The following SLC3A1 variants were observed in gnomAD, a reference collection of about 807,000 sequenced individuals.
SLC3A1 encodes solute carrier family 3 member 1.
A neutral mutation model predicts 60.3 loss-of-function variants in SLC3A1; 78 were observed. That is an observed-to-expected ratio of 1.29 (90% CI 1.08 to 1.56). SLC3A1 has a LOEUF of 1.56. Ranked by LOEUF, SLC3A1 falls within the 40% of genes most tolerant of loss-of-function variation. The pLI is 0.00. For missense variants in SLC3A1, 1,172 were observed against 858.9 expected, an observed-to-expected ratio of 1.36 and a Z score of -4.56; for synonymous variants, 392 against 307.9, an observed-to-expected ratio of 1.27 and a Z score of -2.86.
At chr2:44,310,538 C>T (rs1314413602) in intron 7 of SLC3A1, among the ~76,000 whole-genome samples, 1 of 152,068 alleles carries the variant, frequency 6.6e-6, no homozygotes, top group Non-Finnish European at 1.5e-5. Context: ...TGTGATGTAC[C>T]AATTTTCTTT....
chr2:44,278,316 C>T (rs1330472304), intron 1 of SLC3A1, among the ~76,000 whole-genome samples: 2 of 151,964 alleles, frequency 1.3e-5, no homozygotes, highest in African/African-American at 4.8e-5. Context: ...GGCGTGGTGG[C>T]GGGTGCCTGT....
chr2:44,313,591 G>A (rs184610699), intron 8 of SLC3A1, among the ~76,000 whole-genome samples: 1 of 152,296 alleles, frequency 6.6e-6, no homozygotes, highest in Admixed American at 6.5e-5. Context: ...GAGATTTCAA[G>A]CATGTATTAA....
intron 1 of SLC3A1, among the ~76,000 whole-genome samples, chr2:44,279,717 T>C (rs577255391): frequency 1.3e-5 from 2 of 152,302 alleles, no homozygotes; most frequent in South Asian, 2.1e-4. Context: ...TATAAAAATA[T>C]ATACATATTG....
At chr2:44,305,929 G>T (rs1274971346) in intron 7 of SLC3A1, among the ~76,000 whole-genome samples, 1 of 152,018 alleles carries the variant, frequency 6.6e-6, no homozygotes, top group African/African-American at 2.4e-5. Flanking sequence ...TATAGCACCC[G>T]TTCATTCTCT....
At chr2:44,311,353 C>G (rs1672291382) in intron 7 of SLC3A1, among the ~76,000 whole-genome samples, 2 of 152,100 alleles carry the variant, frequency 1.3e-5, no homozygotes, top group Non-Finnish European at 2.9e-5. Context: ...AAATCTTTGT[C>G]TAGTAAGTCC....
chr2:44,321,718 G>A, downstream of SLC3A1: 3 of 1,597,218 alleles, frequency 1.9e-6, no homozygotes, highest in South Asian at 2.2e-5. Context: ...CCATAGATAG[G>A]ACATTTGTGA....
rs141818274 is a variant in SLC3A1, at chr2:44,295,614, C to T, written c.892-4357C>T. Among the ~76,000 whole-genome samples the T allele has an allele frequency of 3.6e-4, 55 of 152,252 alleles. No individual in the cohort carries two copies. In the East Asian group the frequency reaches 9.6e-3, roughly 27 times the overall value. On this transcript the variant is annotated intron_variant, in intron 4 of 9. Transcript: ENST00000260649. ...CCATCAAGCTTTTACTGTTTTGTCT[C>T]ATTAAACAATGATATTATTTCTGAT...
intron 9 of SLC3A1, chr2:44,317,863 T>A (rs1473229118): frequency 9.9e-6 from 2 of 201,812 alleles, no homozygotes; most frequent in East Asian, 3.4e-4. Context: ...ATGGGTTAAA[T>A]TAGCCTATTA....
chr2:44,315,884 G>C (rs72802993), intron 9 of SLC3A1, among the ~76,000 whole-genome samples: 12,728 of 152,164 alleles, frequency 0.084, 615 homozygotes, highest in Non-Finnish European at 0.11. Context: ...AGAAAGAAAA[G>C]AAGGAAAACA....
Position 44,275,482 on chromosome 2 carries a change from T to C in SLC3A1, c.-54T>C. On this transcript the variant is annotated 5_prime_UTR_variant, in exon 1 of 10. Transcript: ENST00000260649. The stretch of plus-strand genomic sequence containing the variant: ...CAAGACCAAGCATTCAGCAAGCCAC[T>C]CTTCCACCTCCCTTACTGCAGGAAG... 7.0e-7 allele frequency: 1 copy of C among 1,438,108 alleles called. No homozygotes were observed. The highest frequency in any genetic ancestry group is 1.2e-5 in the South Asian group (1 of 84,820). The allele number at this position is 1,438,108 out of a possible 1,614,324, so 89.1% of individuals were successfully genotyped here. A position where few individuals can be genotyped will look rare whatever the true frequency, so the allele number is the denominator to read the frequency against.
intron 5 of SLC3A1, among the ~76,000 whole-genome samples, chr2:44,300,559 C>T (rs574334235): frequency 3.3e-5 from 5 of 151,952 alleles, no homozygotes; most frequent in Admixed American, 6.6e-5. Flanking sequence ...TTTACTGAAA[C>T]CCCGAGAAAG....
chr2:44,310,689 G>A (rs534832445), intron 7 of SLC3A1, among the ~76,000 whole-genome samples: 2 of 151,176 alleles, frequency 1.3e-5, no homozygotes, highest in Admixed American at 1.3e-4. Context: ...GAAGTTGTTG[G>A]CTATTTTTTT....
chr2:44,276,781 C>A (rs1023780549), intron 1 of SLC3A1, among the ~76,000 whole-genome samples: 2 of 152,056 alleles, frequency 1.3e-5, no homozygotes, highest in Non-Finnish European at 2.9e-5. Flanking sequence ...AACATCCTTA[C>A]AATATATTGC....
In SLC3A1 at chr2:44,321,382, C is replaced by A; in HGVS notation, c.*743C>A. Reference sequence around the variant, plus strand: ...CAGAATTTCAGGTATTTCTTAAGATCCTCGAAAACACTGGTGCTGTCAAGT... The same window carrying A: ...CAGAATTTCAGGTATTTCTTAAGATACTCGAAAACACTGGTGCTGTCAAGT... On this transcript the variant is annotated 3_prime_UTR_variant, in exon 10 of 10. Coordinates refer to ENST00000260649, the MANE Select transcript of SLC3A1 (RefSeq NM_000341.4). 1 of 1,611,406 alleles carries A rather than the reference C, an allele frequency of 6.2e-7. No individual in the cohort carries two copies. The highest frequency in any genetic ancestry group is 8.5e-7 in the Non-Finnish European group (1 of 1,177,924).
At chr2:44,288,032 C>CT (rs1299425136) in intron 4 of SLC3A1, among the ~76,000 whole-genome samples, 447 of 143,632 alleles carry the variant, frequency 3.1e-3, no homozygotes, top group Middle Eastern at 7.2e-3. Flanking sequence ...AATTTCTGAA[C>CT]TTTTTTTTTT....
chr2:44,309,080 AATT>A (rs1672227144), intron 7 of SLC3A1, among the ~76,000 whole-genome samples: 1 of 152,246 alleles, frequency 6.6e-6, no homozygotes, highest in Non-Finnish European at 1.5e-5. Flanking sequence ...TACATAAAAC[AATT>A]TTAAACATTC....
chr2:44,286,627 T>C (rs1417958916), intron 4 of SLC3A1, among the ~76,000 whole-genome samples: 1 of 142,562 alleles, frequency 7.0e-6, no homozygotes, highest in African/African-American at 2.7e-5. Flanking sequence ...GCGGTGTCTG[T>C]GACTGAGCTG....
At position 44,320,294 on chromosome 2, in the gene SLC3A1, C is replaced by A; in HGVS notation, c.1713C>A (p.Cys571Ter). ...TACTCCTCAACAGGGGCTGGTTTTG[C>A]CATTTGAGGAATGACAGCCACTATG... Reference protein sequence around the residue: ...NELLLNRGWFCHLRNDSHYVV... With the variant: ...NELLLNRGWF The change falls in exon 10 of 10, where the codon TGC becomes TGA. Residue 571 changes from cysteine to a stop codon, truncating the protein, a stop_gained. Coordinates refer to ENST00000260649, the MANE Select transcript of SLC3A1 (RefSeq NM_000341.4). LOFTEE classifies it low-confidence loss of function (END_TRUNC). The A allele has an allele frequency of 6.2e-7, 1 of 1,613,994 alleles. No homozygotes were observed. Among genetic ancestry groups the A allele is most frequent in the Non-Finnish European group, 8.5e-7 (1 of 1,179,916 alleles).
chr2:44,299,155 C>T (rs1216885078), intron 4 of SLC3A1, among the ~76,000 whole-genome samples: 2 of 151,686 alleles, frequency 1.3e-5, no homozygotes, highest in African/African-American at 4.8e-5. Flanking sequence ...TCTCCTGCCT[C>T]GGCCTCCCGA....
Sources: gnomAD v4.1 joint callset for allele counts (sites outside exome capture counted in the v4.1 genomes callset) on GRCh38, gnomAD v4.1.1 for gene constraint, MANE v1.5 for transcripts, NCBI Gene and HGNC (gene_info 2026-07-23, HGNC 2026-07-21) for gene names.